KDM3A: variants seen among roughly 807,000 people sequenced by gnomAD.
KDM3A encodes the protein lysine demethylase 3A, also known as lysine-specific demethylase 3A.
In KDM3A, 60 loss-of-function variants were observed where a neutral mutation model predicts 158.0. That is an observed-to-expected ratio of 0.38 (90% CI 0.31 to 0.47). The LOEUF (loss-of-function observed/expected upper bound fraction) is 0.47. KDM3A is among the 20% of genes least tolerant of loss of function. The probability of loss-of-function intolerance (pLI) is 0.99; values close to 1 mark genes in which losing one functional copy is unlikely to be tolerated. For synonymous variants in KDM3A, 608 were observed against 549.3 expected (o/e 1.11, Z -1.49); for missense variants, 1,319 against 1,574.3 (o/e 0.84, Z 2.74).
chr2:86,454,744 A>G (rs139842789), intron 4 of KDM3A, among the ~76,000 whole-genome samples: 2 of 152,300 alleles, frequency 1.3e-5, no homozygotes, highest in Non-Finnish European at 2.9e-5. Flanking sequence ...TAGGATACAG[A>G]GTGTTTTTTA....
chr2:86,449,127 G>A (rs537592757), intron 2 of KDM3A, among the ~76,000 whole-genome samples: 14 of 152,234 alleles, frequency 9.2e-5, no homozygotes, highest in African/African-American at 3.4e-4. Context: ...ACAATTACTT[G>A]GAAAACAATA....
chr2:86,473,908 C>T (rs1042998293), intron 11 of KDM3A, among the ~76,000 whole-genome samples: 3 of 152,214 alleles, frequency 2.0e-5, no homozygotes, highest in African/African-American at 7.2e-5. Flanking sequence ...TAATGCTTCC[C>T]TCTTTCCAGA....
At position 86,442,451 on chromosome 2, in the gene KDM3A, C is replaced by T. The variant is rs565724559; in HGVS notation, c.186+218C>T. ...CTGGCTGCCTGGCTTTAATAATGGG[C>T]TTAGGGTTGTTCAGACACGCTTCAT... On this transcript the variant is annotated intron_variant, in intron 2 of 25. Coordinates refer to ENST00000312912, the MANE Select transcript of KDM3A (RefSeq NM_018433.6). 3.8e-4 allele frequency: 195 copies of T among 515,528 alleles called. 1 individual carries two copies. The highest frequency in any genetic ancestry group is 3.2e-3 in the African/African-American group (165 of 51,502). The allele number at this position is 515,528 out of a possible 1,614,324, so 31.9% of individuals were successfully genotyped here.
intron 2 of KDM3A, among the ~76,000 whole-genome samples, chr2:86,448,365 G>A (rs1220869374): frequency 6.6e-6 from 1 of 152,136 alleles, no homozygotes; most frequent in Non-Finnish European, 1.5e-5. Context: ...CCAATGCAGA[G>A]GGAAATTTAT....
chr2:86,464,248 A>G, intron 9 of KDM3A, 32 bp downstream of exon 9: 1 of 1,406,746 alleles, frequency 7.1e-7, no homozygotes, highest in Non-Finnish European at 9.5e-7. Context: ...ATGTTTAATT[A>G]TAATAATAAA....
chr2:86,445,266 A>T (rs1395696614), intron 2 of KDM3A, among the ~76,000 whole-genome samples: 1 of 152,172 alleles, frequency 6.6e-6, no homozygotes, highest in African/African-American at 2.4e-5. Context: ...CTATGGAGAA[A>T]CAGTTTAGAA....
chr2:86,452,477 A>G (rs965551082), intron 4 of KDM3A, among the ~76,000 whole-genome samples: 4 of 152,144 alleles, frequency 2.6e-5, no homozygotes, highest in Non-Finnish European at 4.4e-5. Flanking sequence ...CCTAGGAGCA[A>G]TGGTTCAGTA....
chr2:86,487,694 T>C (rs1205413094), intron 21 of KDM3A: 4 of 152,270 alleles, frequency 2.6e-5, no homozygotes, highest in African/African-American at 9.6e-5. Flanking sequence ...TCAGCTTTTT[T>C]TCCCCCTTAA....
intron 8 of KDM3A, among the ~76,000 whole-genome samples, chr2:86,458,196 A>G (rs1672783922): frequency 6.6e-6 from 1 of 152,188 alleles, no homozygotes; most frequent in Non-Finnish European, 1.5e-5. Flanking sequence ...ACTAGAACCA[A>G]AGCTAGCACT....
chr2:86,444,480 C>A (rs563490078), intron 2 of KDM3A, among the ~76,000 whole-genome samples: 5 of 152,088 alleles, frequency 3.3e-5, no homozygotes, highest in South Asian at 4.2e-4. Flanking sequence ...TTAAAAAAAA[C>A]CAGGATTTTA....
intron 14 of KDM3A, 103 bp from the exon 15 acceptor site, chr2:86,478,505 G>A: frequency 1.5e-6 from 2 of 1,324,084 alleles, no homozygotes; most frequent in South Asian, 1.4e-5. Context: ...AGGAGGGAGT[G>A]GGAAAAGTAA....
chr2:86,485,711 C>T lies in KDM3A; in HGVS notation c.3183-18C>T, dbSNP rs1485240144. The T allele has an allele frequency of 1.9e-6, 3 of 1,609,984 alleles. No homozygotes were observed. Among genetic ancestry groups the T allele is most frequent in the Non-Finnish European group, 2.5e-6 (3 of 1,176,692 alleles). On this transcript the variant is annotated intron_variant, in intron 20 of 25. Coordinates refer to ENST00000312912, the MANE Select transcript of KDM3A (RefSeq NM_018433.6). The stretch of plus-strand genomic sequence containing the variant: ...AAAAGCAATCTAACTTTGCAAATTC[C>T]TGGTTCTGTTGTTCTAGGTTTGATG...
intron 23 of KDM3A, 135 bp downstream of exon 23, chr2:86,489,794 A>G: frequency 2.2e-6 from 2 of 912,676 alleles, no homozygotes; most frequent in Middle Eastern, 2.3e-4. Flanking sequence ...GTCAGATTGA[A>G]TAGGCTGAAG....
chr2:86,457,968 T>G (rs1220475363), intron 8 of KDM3A, among the ~76,000 whole-genome samples: 1 of 152,194 alleles, frequency 6.6e-6, no homozygotes, highest in Non-Finnish European at 1.5e-5. Flanking sequence ...CCAATACAAA[T>G]AACTTTCTGG....
At position 86,477,900 on chromosome 2, in the gene KDM3A, G is replaced by A. The variant is rs1673733538; in HGVS notation, c.1963G>A (p.Val655Ile). ...PHRQVAWKRA[V>I]KGVREMCDVC... ...AGGACAGGTTGCTTGGAAGCGAGCT[G>A]TCAAAGGTGTTCGAGAAATGTGTGA... Residue 655 changes from valine (V) to isoleucine (I), a missense_variant, in exon 13 of 26, where the codon GTC becomes ATC. Physicochemically the swap from Val to Ile is conservative, Grantham distance 29. This residue lies in a region of KDM3A where 113 missense variants were observed against 190.5 expected (regional missense o/e 0.59). Coordinates refer to ENST00000312912, the MANE Select transcript of KDM3A (RefSeq NM_018433.6). 1.2e-6 allele frequency: 2 copies of A among 1,612,864 alleles called. No homozygotes were observed. Among genetic ancestry groups the A allele is most frequent in the African/African-American group, 1.3e-5 (1 of 74,898 alleles).
chr2:86,450,080 C>T, intron 3 of KDM3A, 118 bp downstream of exon 3: 1 of 1,118,342 alleles, frequency 8.9e-7, no homozygotes, highest in Non-Finnish European at 1.3e-6. Context: ...GGATCTCCTG[C>T]CAGCCCTTTT....
chr2:86,473,396 G>A (rs2104680513), intron 11 of KDM3A, among the ~76,000 whole-genome samples: 1 of 152,236 alleles, frequency 6.6e-6, no homozygotes, highest in East Asian at 1.9e-4. Context: ...AACTGAATCT[G>A]TCTCAGCCTC....
chr2:86,478,674 C>T lies in KDM3A; in HGVS notation c.2255C>T (p.Pro752Leu). 6.2e-7 allele frequency: 1 copy of T among 1,613,616 alleles called. No homozygotes were observed. Among genetic ancestry groups the T allele is most frequent in the Non-Finnish European group, 8.5e-7 (1 of 1,179,498 alleles). Residue 752 changes from proline to leucine, a missense_variant, in exon 15 of 26, where the codon CCT (proline) becomes CTT (leucine). Pro to Leu is a moderately conservative substitution (Grantham distance 98). This residue lies in a region of KDM3A where 368 missense variants were observed against 415.8 expected (regional missense o/e 0.89). Transcript: ENST00000312912. ...RAKWGIKANC[P>L]CSNRQFKLFS... ...AAATGGGGAATAAAGGCAAACTGCC[C>T]TTGTTCAAACAGGCAATTCAAACTC...
intron 18 of KDM3A, 113 bp downstream of exon 18, chr2:86,482,807 T>C: frequency 1.1e-6 from 1 of 938,980 alleles, no homozygotes; most frequent in East Asian, 2.4e-5. Flanking sequence ...TCCTGTTTTA[T>C]TCTTTATTGT....
Sources: allele counts gnomAD v4.1 joint callset (sites outside exome capture counted in the v4.1 genomes callset), GRCh38; gene constraint gnomAD v4.1.1; regional missense constraint gnomAD v4.1.1; transcripts MANE v1.5; gene names NCBI Gene and HGNC (gene_info 2026-07-23, HGNC 2026-07-21).